Variants in SYNE1 observed in about 807,000 individuals in gnomAD.
SYNE1 encodes the protein spectrin repeat containing nuclear envelope protein 1.
SYNE1 carries 616 observed loss-of-function variants against 1,111.0 expected under a neutral mutation model. The observed-to-expected ratio is 0.55, with a 90% CI of 0.52 to 0.59. The LOEUF (loss-of-function observed/expected upper bound fraction) is 0.59, where lower values mean the gene tolerates loss of function less well. Ranked by LOEUF, SYNE1 falls within the 20% of genes least tolerant of loss-of-function variation. The pLI is 0.00. For missense variants in SYNE1, 10,006 were observed against 10,417.0 expected (o/e 0.96, Z 1.72); for synonymous variants, 3,855 against 3,825.8 (o/e 1.01, Z -0.28).
intron 12 of SYNE1, among the ~76,000 whole-genome samples, chr6:152,487,579 C>A (rs940792866): frequency 6.6e-6 from 1 of 152,162 alleles, no homozygotes; most frequent in Non-Finnish European, 1.5e-5. Context: ...TGTAGTCAGA[C>A]TGGAGAAAAA....
Position 152,409,728 on chromosome 6 carries a change from AT to A in SYNE1, c.6231-20del, listed in dbSNP as rs1342999580. 6.2e-7 allele frequency: 1 copy of A among 1,612,716 alleles called. No homozygotes were observed. The highest frequency in any genetic ancestry group is 2.2e-5 in the East Asian group (1 of 44,800). On this transcript the variant is annotated intron_variant, in intron 42 of 145. Transcript: ENST00000367255. ...ACCCTGACTGTAATGATTAAAGAAA[AT>A]ATATTATTTGGTGTCATGTATCAGG...
At chr6:152,535,786 G>A (rs2099232385) in intron 4 of SYNE1, among the ~76,000 whole-genome samples, 1 of 152,036 alleles carries the variant, frequency 6.6e-6, no homozygotes, top group Admixed American at 6.6e-5. Flanking sequence ...TTCCCTTTGG[G>A]TGGCTGAAGT....
chr6:152,255,775 T>A, intron 102 of SYNE1, 29 bp from the exon 103 acceptor site: 1 of 1,613,756 alleles, frequency 6.2e-7, no homozygotes, highest in Non-Finnish European at 8.5e-7. Context: ...GGTCAAATAA[T>A]CAATTTCAGT....
intron 3 of SYNE1, among the ~76,000 whole-genome samples, chr6:152,596,840 G>A (rs2099583356): frequency 6.6e-6 from 1 of 152,110 alleles, no homozygotes; most frequent in South Asian, 2.1e-4. Context: ...TGGCATTACA[G>A]ACTTTCGAAC....
In SYNE1 at chr6:152,353,391, C is replaced by T. The variant is rs749583508; in HGVS notation, c.11125G>A (p.Glu3709Lys). ...TAGGAACTGAGGGATGATTCTGATT[C>T]CTCCAAACTCTGAATCTCCTCCTCC... ...FLEEEIQSLEESESSLSSYSD... is the reference protein window; with the variant it reads ...FLEEEIQSLEKSESSLSSYSD... Residue 3709 changes from glutamate (E) to lysine (K), a missense_variant, in exon 69 of 146, where the codon GAA becomes AAA. By Grantham distance (56) the Glu-to-Lys change is moderately conservative. Transcript: ENST00000367255. The T allele has an allele frequency of 1.2e-6, 2 of 1,614,164 alleles. No homozygotes were observed. Among genetic ancestry groups the T allele is most frequent in the South Asian group, 1.1e-5 (1 of 91,090 alleles).
chr6:152,459,001 C>T, intron 21 of SYNE1, 71 bp from the exon 22 acceptor site: 1 of 1,319,738 alleles, frequency 7.6e-7, no homozygotes, highest in South Asian at 1.2e-5. Flanking sequence ...ACGTTCATAG[C>T]TCTGAGGAAC....
intron 17 of SYNE1, 53 bp from the exon 18 acceptor site, chr6:152,465,513 C>T: frequency 6.6e-7 from 1 of 1,526,662 alleles, no homozygotes; most frequent in Non-Finnish European, 8.9e-7. Context: ...AAATCCTCTA[C>T]ACCTTTTTTT....
intron 127 of SYNE1, among the ~76,000 whole-genome samples, chr6:152,200,616 G>C (rs888352072): frequency 1.3e-5 from 2 of 152,108 alleles, no homozygotes; most frequent in Admixed American, 6.6e-5. Flanking sequence ...GGCTGATCTT[G>C]AACATCTGGT....
chr6:152,130,696 G>A (rs775370224), intron 145 of SYNE1, 24 bp downstream of exon 145: 3 of 1,613,666 alleles, frequency 1.9e-6, no homozygotes, highest in Non-Finnish European at 2.5e-6. Context: ...CTAGAACAGT[G>A]TGGAAACCAG....
intron 97 of SYNE1, among the ~76,000 whole-genome samples, chr6:152,280,164 T>C (rs570362293): frequency 6.6e-5 from 10 of 152,338 alleles, no homozygotes; most frequent in African/African-American, 2.2e-4. Context: ...TTATAATTAG[T>C]GTGCAACTGA....
chr6:152,511,254 A>T, intron 6 of SYNE1, 151 bp from the exon 7 acceptor site: 1 of 728,790 alleles, frequency 1.4e-6, no homozygotes, highest in Admixed American at 2.5e-5. Flanking sequence ...GCACCGAAAC[A>T]AACAAGCACA....
chr6:152,592,646 A>G (rs920103472), intron 3 of SYNE1, among the ~76,000 whole-genome samples: 3 of 152,184 alleles, frequency 2.0e-5, no homozygotes, highest in African/African-American at 7.2e-5. Context: ...TGTACTCCAA[A>G]CCTCAGCATC....
Position 152,598,409 on chromosome 6 carries a change from T to A in SYNE1, c.67+29856A>T, listed in dbSNP as rs115330811. Among the ~76,000 whole-genome samples the A allele has an allele frequency of 7.9e-3, 1,205 of 152,314 alleles. 21 individuals are homozygous for A. The highest frequency in any genetic ancestry group is 0.028 in the African/African-American group (1,153 of 41,562). ...AACCTCTTTCTTTTGTAAATTGCCC[T>A]GTCTAGGGTATGTCTTTATCAGCAG... On this transcript the variant is annotated intron_variant, in intron 3 of 145. Transcript: ENST00000367255.
intron 76 of SYNE1, 49 bp downstream of exon 76, chr6:152,336,792 C>A: frequency 6.2e-7 from 1 of 1,603,120 alleles, no homozygotes. Context: ...TTCAGGTTTT[C>A]TACTCTGTTG....
intron 141 of SYNE1, among the ~76,000 whole-genome samples, chr6:152,135,451 G>A (rs1049044296): frequency 1.6e-4 from 24 of 152,304 alleles, no homozygotes; most frequent in Admixed American, 1.1e-3. Context: ...CAATTTAGAC[G>A]AAAGGAAAAC....
At chr6:152,404,444 C>T in intron 45 of SYNE1, 130 bp from the exon 46 acceptor site, 1 of 696,048 alleles carries the variant, frequency 1.4e-6, no homozygotes, top group Non-Finnish European at 2.5e-6. Flanking sequence ...AAATCTGTTT[C>T]ATTTTTCTGA....
At chr6:152,198,245 C>A (rs1587598857) in intron 127 of SYNE1, among the ~76,000 whole-genome samples, 2 of 152,296 alleles carry the variant, frequency 1.3e-5, no homozygotes, top group East Asian at 3.9e-4. Flanking sequence ...CCAACCTCTG[C>A]CTGCTTCCAT....
chr6:152,301,859 G>A lies in SYNE1; in HGVS notation c.17541+10C>T. Reference sequence around the variant, plus strand: ...AAGAGCAAAGCCGCGGGGACCCACTGGATCCTTACCATGACCACAGAGGGG... The same window carrying A: ...AAGAGCAAAGCCGCGGGGACCCACTAGATCCTTACCATGACCACAGAGGGG... On this transcript the variant is annotated intron_variant, in intron 92 of 145. Coordinates refer to ENST00000367255, the MANE Select transcript of SYNE1 (RefSeq NM_182961.4). 1 of 1,606,318 alleles carries A rather than the reference G, an allele frequency of 6.2e-7. No individual in the cohort carries two copies. The highest frequency in any genetic ancestry group is 8.5e-7 in the Non-Finnish European group (1 of 1,174,630).
Position 152,310,609 on chromosome 6 carries a change from C to T in SYNE1, c.16896+79G>A, listed in dbSNP as rs2095517657. The T allele has an allele frequency of 1.9e-6, 3 of 1,610,230 alleles. No individual in the cohort carries two copies. The South Asian group carries it at 3.3e-5, about 18-fold the overall frequency. On this transcript the variant is annotated intron_variant, in intron 88 of 145. Coordinates refer to ENST00000367255, the MANE Select transcript of SYNE1 (RefSeq NM_182961.4). ...GTCAAGAAACCACATCACAGGTGAG[C>T]ACTATTTCCATAGTGGCATTGCCAT...
Sources: gnomAD v4.1 joint callset for allele counts (sites outside exome capture counted in the v4.1 genomes callset) on GRCh38, gnomAD v4.1.1 for gene constraint, MANE v1.5 for transcripts, NCBI Gene and HGNC (gene_info 2026-07-23, HGNC 2026-07-21) for gene names.